Variants in MAP2 observed in about 807,000 individuals in gnomAD.
MAP2 encodes the protein microtubule-associated protein 2.
MAP2 carries 14 observed loss-of-function variants against 137.6 expected under a neutral mutation model. The ratio of observed to expected loss-of-function variants is 0.10; its 90% CI spans 0.07 to 0.16. The LOEUF (loss-of-function observed/expected upper bound fraction) is 0.16, where lower values mean the gene tolerates loss of function less well. Ranked by LOEUF, MAP2 falls within the 10% of genes least tolerant of loss-of-function variation. The probability of loss-of-function intolerance (pLI) is 1.00; values close to 1 mark genes in which losing one functional copy is unlikely to be tolerated. For synonymous variants in MAP2, 786 were observed against 782.3 expected, an observed-to-expected ratio of 1.00 and a Z score of -0.08; for missense variants, 2,088 against 2,191.5, an observed-to-expected ratio of 0.95 and a Z score of 0.94.
At chr2:209,500,758 A>T (rs952535134) in intron 1 of MAP2, among the ~76,000 whole-genome samples, 4 of 152,148 alleles carry the variant, frequency 2.6e-5, no homozygotes, top group Admixed American at 6.6e-5. Flanking sequence ...AAAAAACCCT[A>T]CCCAGTTGGG....
At chr2:209,520,390 T>C (rs959721544) in intron 2 of MAP2, among the ~76,000 whole-genome samples, 1 of 152,066 alleles carries the variant, frequency 6.6e-6, no homozygotes, top group Non-Finnish European at 1.5e-5. Context: ...AGGAACAGCA[T>C]AAAATGCATA....
At chr2:209,690,634 G>A (rs2058572663) in intron 7 of MAP2, 1 of 1,289,050 alleles carries the variant, frequency 7.8e-7, no homozygotes, top group Non-Finnish European at 1.0e-6. Flanking sequence ...GGATGGCTGA[G>A]GAAGAGAAAC....
At chr2:209,621,621 A>G (rs2091224071) in intron 3 of MAP2, among the ~76,000 whole-genome samples, 1 of 152,122 alleles carries the variant, frequency 6.6e-6, no homozygotes, top group Admixed American at 6.5e-5. Context: ...TGATACTTAC[A>G]ATGTGTTTCG....
Position 209,710,228 on chromosome 2 carries a change from A to G in MAP2, c.5047A>G (p.Ile1683Val). 2 of 1,588,736 alleles carry G rather than the reference A, an allele frequency of 1.3e-6. No homozygotes were observed. Among genetic ancestry groups the G allele is most frequent in the Non-Finnish European group, 1.7e-6 (2 of 1,166,486 alleles). Residue 1683 changes from isoleucine (I) to valine (V), a missense_variant, in exon 13 of 16, where the codon ATC becomes GTC. Ile to Val is a conservative substitution (Grantham distance 29). Transcript: ENST00000682079. ...ATCCAAAATCGGATCAACAGACAAC[A>G]TCAAATACCAGCCTAAAGGGGGGCA... is the stretch of plus-strand genomic sequence containing the variant. The part of the protein sequence containing the change: ...VKSKIGSTDN[I>V]KYQPKGGQVQ...
chr2:209,668,954 T>G (rs1425110281), intron 5 of MAP2, among the ~76,000 whole-genome samples: 1 of 152,074 alleles, frequency 6.6e-6, no homozygotes, highest in Non-Finnish European at 1.5e-5. Flanking sequence ...ATTATCTGAT[T>G]ATATATTCAG....
rs1175660578 is a variant in MAP2, at chr2:209,657,008, TGTAA to T, written c.262+3579_262+3582del. On this transcript the variant is annotated intron_variant, in intron 5 of 15. Coordinates refer to ENST00000682079, the MANE Select transcript of MAP2 (RefSeq NM_001375505.1). ...GTGTATTCATTGTTTAACTCACACT[TGTAA>T]GTGAGAACGTATGGTATTTGATTTT... 7.9e-5 allele frequency among the ~76,000 whole-genome samples: 12 copies of T among 152,354 alleles called. No individual in the cohort carries two copies. The East Asian group carries it at 1.4e-3, about 17-fold the overall frequency.
At position 209,684,974 on chromosome 2, in the gene MAP2, G is replaced by GATGCTAAGATGTATGGAGTCAGAC. The variant is rs573724682; in HGVS notation, c.454+4150_454+4173dup. Among the ~76,000 whole-genome samples the GATGCTAAGATGTATGGAGTCAGAC allele has an allele frequency of 5.9e-3, 896 of 152,298 alleles. 6 individuals are homozygous for GATGCTAAGATGTATGGAGTCAGAC. Among genetic ancestry groups the GATGCTAAGATGTATGGAGTCAGAC allele is most frequent in the Admixed American group, 0.011 (173 of 15,284 alleles). ...CTTGTCTGAGTACACTGAAGACACA[G>GATGCTAAGATGTATGGAGTCAGAC]ATGCTAAGATGTATGGAGTCAGACA... On this transcript the variant is annotated intron_variant, in intron 7 of 15. Coordinates refer to ENST00000682079, the MANE Select transcript of MAP2 (RefSeq NM_001375505.1).
At chr2:209,637,379 G>A (rs1235708316) in intron 4 of MAP2, among the ~76,000 whole-genome samples, 1 of 152,076 alleles carries the variant, frequency 6.6e-6, no homozygotes, top group African/African-American at 2.4e-5. Flanking sequence ...GGAGTCAGAG[G>A]TTGCAGTGAG....
chr2:209,717,612 G>T (rs893541500), intron 13 of MAP2, among the ~76,000 whole-genome samples: 4 of 151,958 alleles, frequency 2.6e-5, no homozygotes, highest in African/African-American at 7.3e-5. Context: ...AATTATAATG[G>T]TTACCACTAT....
chr2:209,586,596 G>A (rs1177086650), intron 3 of MAP2, among the ~76,000 whole-genome samples: 1 of 152,132 alleles, frequency 6.6e-6, no homozygotes, highest in African/African-American at 2.4e-5. Flanking sequence ...TACTCAGGCA[G>A]CTGTTCAGAG....
At chr2:209,485,897 G>C (rs1360696631) in intron 1 of MAP2, among the ~76,000 whole-genome samples, 3 of 152,212 alleles carry the variant, frequency 2.0e-5, no homozygotes, top group Non-Finnish European at 4.4e-5. Flanking sequence ...CAGAAGGTTA[G>C]GGCCTAGCTT....
chr2:209,565,650 A>G (rs578054053), intron 2 of MAP2, among the ~76,000 whole-genome samples: 9 of 152,044 alleles, frequency 5.9e-5, no homozygotes, highest in Non-Finnish European at 1.0e-4. Flanking sequence ...TTTTTCTCAC[A>G]TTTGTCATAC....
At chr2:209,543,624 C>A (rs1424324508) in intron 2 of MAP2, among the ~76,000 whole-genome samples, 4 of 152,184 alleles carry the variant, frequency 2.6e-5, no homozygotes, top group Non-Finnish European at 4.4e-5. Context: ...CTGTCTTAAA[C>A]CAACATGTTG....
At chr2:209,655,966 T>C (rs1414807990) in intron 5 of MAP2, among the ~76,000 whole-genome samples, 1 of 152,216 alleles carries the variant, frequency 6.6e-6, no homozygotes, top group Admixed American at 6.5e-5. Flanking sequence ...AGTTTGTTTC[T>C]TTTTAATCAT....
chr2:209,712,474 G>GA (rs1352885235), intron 13 of MAP2, among the ~76,000 whole-genome samples: 2 of 152,070 alleles, frequency 1.3e-5, no homozygotes, highest in African/African-American at 4.8e-5. Context: ...GATGACTTTG[G>GA]AAAAAATCCA....
intron 11 of MAP2, among the ~76,000 whole-genome samples, chr2:209,702,411 A>G (rs1559615370): frequency 6.6e-6 from 1 of 151,340 alleles, no homozygotes; most frequent in Admixed American, 6.6e-5. Context: ...CTTTTATTTG[A>G]TTTAGCTCTA....
At chr2:209,563,792 G>T (rs1174390845) in intron 2 of MAP2, among the ~76,000 whole-genome samples, 1 of 152,214 alleles carries the variant, frequency 6.6e-6, no homozygotes, top group African/African-American at 2.4e-5. Flanking sequence ...ATCTGAAACA[G>T]ACAGGTGTCT....
intron 1 of MAP2, among the ~76,000 whole-genome samples, chr2:209,430,108 A>G (rs1479325395): frequency 6.6e-6 from 1 of 150,862 alleles, no homozygotes; most frequent in African/African-American, 2.4e-5. Context: ...GCCCACTTTG[A>G]AAAACAAGCA....
chr2:209,544,880 T>G (rs1424714567), intron 2 of MAP2, among the ~76,000 whole-genome samples: 2 of 152,230 alleles, frequency 1.3e-5, no homozygotes, highest in Non-Finnish European at 2.9e-5. Context: ...ACTTGATTAC[T>G]CTGGGCTTGA....
Sources: allele counts gnomAD v4.1 joint callset (sites outside exome capture counted in the v4.1 genomes callset), GRCh38; gene constraint gnomAD v4.1.1; transcripts MANE v1.5; gene names NCBI Gene and HGNC (gene_info 2026-07-23, HGNC 2026-07-21).